Variants in HERC1 observed in about 807,000 individuals in gnomAD.
HERC1 encodes the protein probable E3 ubiquitin-protein ligase HERC1.
A neutral mutation model predicts 554.3 loss-of-function variants in HERC1; 160 were observed. That is an observed-to-expected ratio of 0.29 (90% CI 0.25 to 0.33). The LOEUF (loss-of-function observed/expected upper bound fraction) is 0.33, where lower values mean the gene tolerates loss of function less well. Among genes scored for constraint, HERC1 ranks in the 10% least tolerant of loss-of-function variants. HERC1 has a pLI of 1.00. For synonymous variants in HERC1, 2,175 were observed against 2,131.7 expected, an observed-to-expected ratio of 1.02 and a Z score of -0.56; for missense variants, 4,919 against 5,918.5, an observed-to-expected ratio of 0.83 and a Z score of 5.54.
At chr15:63,611,634 A>G (rs1388061676) in intron 77 of HERC1, among the ~76,000 whole-genome samples, 1 of 152,222 alleles carries the variant, frequency 6.6e-6, no homozygotes, top group Non-Finnish European at 1.5e-5. Flanking sequence ...GCCTCAGCAC[A>G]GGAAGAGGCA....
chr15:63,691,118 T>C (rs1308418301), intron 31 of HERC1, among the ~76,000 whole-genome samples: 1 of 152,198 alleles, frequency 6.6e-6, no homozygotes, highest in African/African-American at 2.4e-5. Flanking sequence ...ATGCACTGAC[T>C]GTCTCACAGG....
intron 74 of HERC1, among the ~76,000 whole-genome samples, chr15:63,617,934 A>C (rs1478642476): frequency 6.6e-6 from 1 of 151,236 alleles, no homozygotes; most frequent in Non-Finnish European, 1.5e-5. Context: ...GGTTGCAAAA[A>C]TTTTCTCCCA....
In HERC1 at chr15:63,749,396, A is replaced by C. The variant is rs1185405759; in HGVS notation, c.2190T>G (p.Ser730Arg). 1 of 1,613,270 alleles carries C rather than the reference A, an allele frequency of 6.2e-7. No homozygotes were observed. Among genetic ancestry groups the C allele is most frequent in the Non-Finnish European group, 8.5e-7 (1 of 1,179,648 alleles). ...CCCTAGGAAGAGCAGTCCATGCCAGACTATGTGATGTTCCAGCCGAAATCT... is the reference window on the plus strand; with the variant it reads ...CCCTAGGAAGAGCAGTCCATGCCAGCCTATGTGATGTTCCAGCCGAAATCT... ...IQQISAGTSH[S>R]LAWTALPRDR... Residue 730 changes from serine to arginine, a missense_variant, in exon 10 of 78, where the codon AGT becomes AGG. Ser to Arg is a moderately radical substitution (Grantham distance 110, BLOSUM62 -1). Around this residue, in one of 11 missense-constraint regions of HERC1, gnomAD observed 744 missense variants for 1,090.0 expected, o/e 0.68. Transcript: ENST00000443617. The surrounding 1 kb of genome is among the most constrained non-coding windows in gnomAD (Gnocchi z 4.1).
chr15:63,789,146 A>G lies in HERC1; in HGVS notation c.-26-13497T>C, dbSNP rs569102128. On this transcript the variant is annotated intron_variant, in intron 1 of 77. Transcript: ENST00000443617. ...CGCTCTGTCGCCCAGGCTGGAGTGCAGTGGTGCAATCTCGGCTCACTGCAA... is the reference window on the plus strand; with the variant it reads ...CGCTCTGTCGCCCAGGCTGGAGTGCGGTGGTGCAATCTCGGCTCACTGCAA... Among the ~76,000 whole-genome samples, 4 of 109,424 alleles carry G rather than the reference A, an allele frequency of 3.7e-5. No homozygotes were observed. In the Admixed American group the frequency reaches 5.4e-4, roughly 15 times the overall value. 71.8% of individuals were successfully genotyped at this position (109,424 alleles called of 152,430 possible). A position where few individuals can be genotyped will look rare whatever the true frequency, so the allele number is the denominator to read the frequency against.
intron 14 of HERC1, 35 bp from the exon 15 acceptor site, chr15:63,729,684 G>C (rs772516446): frequency 1.2e-6 from 2 of 1,606,720 alleles, no homozygotes; most frequent in South Asian, 2.2e-5. Flanking sequence ...TATATTTGAA[G>C]TGCTTGAAAC....
At chr15:63,621,050 T>C (rs1309266221) in intron 74 of HERC1, among the ~76,000 whole-genome samples, 10 of 152,230 alleles carry the variant, frequency 6.6e-5, no homozygotes, top group Non-Finnish European at 1.2e-4. Context: ...TATTAGCTGG[T>C]TATTTTGCTC....
At chr15:63,833,794 A>ACACACACACACACACACACACACACACAC (rs1567176642) in intron 1 of HERC1, 33 bp downstream of exon 1, 3 of 137,458 alleles carry the variant, frequency 2.2e-5, no homozygotes, top group African/African-American at 9.3e-5. Context: ...CACACACAGG[A>ACACACACACACACACACACACACACACAC]CCAGGAGGAC....
At chr15:63,667,543 A>T (rs2070704305) in intron 40 of HERC1, among the ~76,000 whole-genome samples, 1 of 152,250 alleles carries the variant, frequency 6.6e-6, no homozygotes, top group Non-Finnish European at 1.5e-5. Flanking sequence ...ATATAGCTAT[A>T]AAAACTATCC....
At chr15:63,644,639 T>C (rs542392817) in intron 57 of HERC1, among the ~76,000 whole-genome samples, 1 of 152,330 alleles carries the variant, frequency 6.6e-6, no homozygotes, top group South Asian at 2.1e-4. Context: ...TCATTCTTCA[T>C]AGCAAGGATT....
intron 1 of HERC1, among the ~76,000 whole-genome samples, chr15:63,829,557 GTGTGTATA>G (rs1208583478): frequency 1.4e-4 from 9 of 66,230 alleles, no homozygotes; most frequent in Admixed American, 2.8e-4. Flanking sequence ...GTGTGTGTGT[GTGTGTATA>G]TATATATATA....
chr15:63,694,821 A>G lies in HERC1; in HGVS notation c.5195T>C (p.Leu1732Ser). The G allele has an allele frequency of 6.2e-7, 1 of 1,613,904 alleles. No individual in the cohort carries two copies. The change falls in exon 28 of 78, where the codon TTG becomes TCG. Residue 1732 changes from leucine to serine, a missense_variant. Physicochemically the swap from Leu to Ser is moderately radical, Grantham distance 145. Coordinates refer to ENST00000443617, the MANE Select transcript of HERC1 (RefSeq NM_003922.4). This position sits in a 1 kb window ranked among gnomAD's most constrained non-coding sequence, Gnocchi z 4.3. ...CAGGGCTCTTTCCAGGGTAGCAGAC[A>G]ACTGTTGATAAATTTTATGCACAGC... ...QVAVHKIYQQ[L>S]SATLERALQA...
At chr15:63,684,446 T>C (rs1292176796) in intron 34 of HERC1, among the ~76,000 whole-genome samples, 1 of 152,236 alleles carries the variant, frequency 6.6e-6, no homozygotes, top group African/African-American at 2.4e-5. Flanking sequence ...TCCTAACCTT[T>C]CTGGTTAAGT....
rs146904485 is a variant in HERC1, at chr15:63,800,514, A to C, written c.-26-24865T>G. ...ATCAGTTTAAACAGTACAGTACCAG[A>C]GATATTAATTAGGTACTCAGTAACA... On this transcript the variant is annotated intron_variant, in intron 1 of 77. Coordinates refer to ENST00000443617, the MANE Select transcript of HERC1 (RefSeq NM_003922.4). Among the ~76,000 whole-genome samples the C allele has an allele frequency of 1.8e-3, 281 of 152,304 alleles. 1 individual carries two copies. The highest frequency in any genetic ancestry group is 2.4e-3 in the Non-Finnish European group (166 of 68,024).
rs2072195716 is a variant in HERC1, at chr15:63,692,996, C to T, written c.5675-430G>A. Among the ~76,000 whole-genome samples, 1 of 152,014 alleles carries T rather than the reference C, an allele frequency of 6.6e-6. No individual in the cohort carries two copies. Among genetic ancestry groups the T allele is most frequent in the South Asian group, 2.1e-4 (1 of 4,820 alleles). On this transcript the variant is annotated intron_variant, in intron 30 of 77. Transcript: ENST00000443617. This position sits in a 1 kb window ranked among gnomAD's most constrained non-coding sequence, Gnocchi z 4.7. ...AGGAGTTCAAGATCAGCCTGGCCAA[C>T]ATAGCGAAACCCCGTCTCTAATAAA... is the stretch of plus-strand genomic sequence containing the variant.
intron 71 of HERC1, among the ~76,000 whole-genome samples, chr15:63,625,489 T>A (rs1191636773): frequency 2.0e-5 from 3 of 151,326 alleles, no homozygotes; most frequent in African/African-American, 4.9e-5. Flanking sequence ...AGGTCAGGAG[T>A]TCGAGACCAG....
At chr15:63,710,914 G>A (rs1220506547) in intron 24 of HERC1, among the ~76,000 whole-genome samples, 1 of 152,214 alleles carries the variant, frequency 6.6e-6, no homozygotes, top group African/African-American at 2.4e-5. Flanking sequence ...AGATCAGAGA[G>A]GTAGTGGGAC....
chr15:63,753,258 A>G (rs2075310470), intron 7 of HERC1, among the ~76,000 whole-genome samples, 173 bp from the exon 8 acceptor site: 1 of 152,226 alleles, frequency 6.6e-6, no homozygotes, highest in Admixed American at 6.5e-5. Flanking sequence ...TATTACAAGA[A>G]AGTTAACAAC....
chr15:63,634,970 T>C, intron 65 of HERC1, 82 bp from the exon 66 acceptor site: 1 of 991,244 alleles, frequency 1.0e-6, no homozygotes, highest in South Asian at 1.7e-5. Context: ...GGTATTAATA[T>C]AGCAATAAAC....
At chr15:63,623,160 G>C (rs2068159630) in intron 73 of HERC1, among the ~76,000 whole-genome samples, 1 of 152,196 alleles carries the variant, frequency 6.6e-6, no homozygotes, top group Non-Finnish European at 1.5e-5. Context: ...AAAGAGTGTA[G>C]TGATGTTCAA....
Sources: gnomAD v4.1 joint callset for allele counts (sites outside exome capture counted in the v4.1 genomes callset) on GRCh38, gnomAD v4.1.1 for gene constraint, gnomAD v4.1.1 regional missense constraint, Gnocchi (gnomAD v3.1) non-coding constraint, MANE v1.5 for transcripts, NCBI Gene and HGNC (gene_info 2026-07-23, HGNC 2026-07-21) for gene names.